MYO1B: variants seen among roughly 807,000 people sequenced by gnomAD.
MYO1B encodes the protein myosin IB.
MYO1B carries 72 observed loss-of-function variants against 159.7 expected under a neutral mutation model. The ratio of observed to expected loss-of-function variants is 0.45; its 90% confidence interval spans 0.37 to 0.55. The LOEUF (loss-of-function observed/expected upper bound fraction) is 0.55. MYO1B is among the 20% of genes least tolerant of loss of function. The pLI is 0.00. For synonymous variants in MYO1B, 468 were observed against 473.8 expected (o/e 0.99, Z 0.16); for missense variants, 1,062 against 1,364.8 (o/e 0.78, Z 3.50).
chr2:191,414,028 C>T lies in MYO1B; in HGVS notation c.2874-20C>T, dbSNP rs780671669. ...TTCATTTGAAACTATTTCTAATGTG[C>T]AGGAATTTTTTTCCTTTAGTGTTGG... is the stretch of plus-strand genomic sequence containing the variant. On this transcript the variant is annotated intron_variant, in intron 27 of 30. Transcript: ENST00000392318. The T allele has an allele frequency of 1.1e-5, 18 of 1,579,616 alleles. No individual in the cohort carries two copies. The Admixed American group carries it at 3.2e-4, about 28-fold the overall frequency.
chr2:191,310,613 A>G (rs1689942813), intron 3 of MYO1B, among the ~76,000 whole-genome samples: 1 of 152,244 alleles, frequency 6.6e-6, no homozygotes, highest in Admixed American at 6.5e-5. Flanking sequence ...GGGAAACGGT[A>G]TTAGAGTTGA....
At chr2:191,403,938 A>G (rs1696759014) in intron 24 of MYO1B, among the ~76,000 whole-genome samples, 1 of 152,190 alleles carries the variant, frequency 6.6e-6, no homozygotes, top group Non-Finnish European at 1.5e-5. Context: ...AGCAACCTAC[A>G]AAGCAAATTC....
At chr2:191,303,902 T>A (rs1689484349) in intron 3 of MYO1B, among the ~76,000 whole-genome samples, 1 of 152,144 alleles carries the variant, frequency 6.6e-6, no homozygotes, top group Admixed American at 6.5e-5. Flanking sequence ...TAAATAAACA[T>A]CTCGTGTGTA....
At chr2:191,342,614 A>G (rs1277888760) in intron 5 of MYO1B, among the ~76,000 whole-genome samples, 1 of 152,212 alleles carries the variant, frequency 6.6e-6, no homozygotes, top group African/African-American at 2.4e-5. Context: ...TGGGAGGCCA[A>G]GGCGGGTGGA....
At position 191,251,501 on chromosome 2, in the gene MYO1B, TG is replaced by T. The variant is rs776073690; in HGVS notation, c.-10+5876del. 2.6e-5 allele frequency among the ~76,000 whole-genome samples: 4 copies of T among 152,348 alleles called. No homozygotes were observed. The South Asian group carries it at 8.3e-4, about 32-fold the overall frequency. On this transcript the variant is annotated intron_variant, in intron 1 of 30. Coordinates refer to ENST00000392318, the MANE Select transcript of MYO1B (RefSeq NM_001130158.3). ...AAAATGCAAGGGGCCTGTCTTTCCT[TG>T]ATAGCTTAAGAGAGGCTTAAGAGGA... is the stretch of plus-strand genomic sequence containing the variant.
chr2:191,276,410 G>C (rs1003432123), intron 1 of MYO1B, among the ~76,000 whole-genome samples: 1 of 152,160 alleles, frequency 6.6e-6, no homozygotes, highest in Non-Finnish European at 1.5e-5. Flanking sequence ...TTATTGTGAG[G>C]GTTCAATTAA....
chr2:191,400,442 A>G lies in MYO1B; in HGVS notation c.2356A>G (p.Ile786Val). The G allele has an allele frequency of 6.2e-7, 1 of 1,614,092 alleles. No homozygotes were observed. Among genetic ancestry groups the G allele is most frequent in the Non-Finnish European group, 8.5e-7 (1 of 1,180,012 alleles). The change falls in exon 22 of 31, where the codon ATT becomes GTT. Residue 786 changes from isoleucine (I) to valine (V), a missense_variant. Physicochemically the swap from Ile to Val is conservative, Grantham distance 29. Coordinates refer to ENST00000392318, the MANE Select transcript of MYO1B (RefSeq NM_001130158.3). ...GCGCTGTAAGGAAGCAGTCACGACC[A>G]TTGCTGCATATTGGCATGGGACCCA... ...QKRCKEAVTTIAAYWHGTQAR... is the reference protein window; with the variant it reads ...QKRCKEAVTTVAAYWHGTQAR...
At chr2:191,388,418 G>A (rs554410676) in intron 17 of MYO1B, 8 of 152,300 alleles carry the variant, frequency 5.3e-5, no homozygotes, top group African/African-American at 1.9e-4. Flanking sequence ...GAGCTAGATA[G>A]TAGAAGGTAT....
At chr2:191,297,669 T>G (rs1459112348) in intron 3 of MYO1B, among the ~76,000 whole-genome samples, 1 of 152,196 alleles carries the variant, frequency 6.6e-6, no homozygotes, top group East Asian at 1.9e-4. Flanking sequence ...TATTGGTCAT[T>G]GGCATATTGG....
At chr2:191,247,179 G>A (rs1461317976) in intron 1 of MYO1B, among the ~76,000 whole-genome samples, 1 of 152,166 alleles carries the variant, frequency 6.6e-6, no homozygotes, top group Non-Finnish European at 1.5e-5. Flanking sequence ...TCGGACTGAA[G>A]GTTAGCATTA....
At chr2:191,352,332 AAC>A (rs1559192848) in intron 7 of MYO1B, among the ~76,000 whole-genome samples, 1 of 152,206 alleles carries the variant, frequency 6.6e-6, no homozygotes, top group Non-Finnish European at 1.5e-5. Flanking sequence ...AAATTAATAA[AAC>A]ACTGTTTTTA....
At chr2:191,371,853 C>T (rs1694385649) in intron 13 of MYO1B, among the ~76,000 whole-genome samples, 1 of 152,154 alleles carries the variant, frequency 6.6e-6, no homozygotes, top group Non-Finnish European at 1.5e-5. Context: ...GTCCCCAGAA[C>T]AGAGGTCTTC....
intron 4 of MYO1B, among the ~76,000 whole-genome samples, chr2:191,337,949 G>T (rs1691964970): frequency 1.3e-5 from 2 of 152,088 alleles, no homozygotes; most frequent in African/African-American, 4.8e-5. Context: ...TAGCACCAAA[G>T]AGTCAAAAGG....
intron 6 of MYO1B, 30 bp from the exon 7 acceptor site, chr2:191,350,132 T>C (rs1477980230): frequency 6.3e-7 from 1 of 1,593,274 alleles, no homozygotes. Context: ...TGAGATGAAC[T>C]AGAAAACTCA....
rs534526698 is a variant in MYO1B at position 191,368,520 on chromosome 2, C to T, written c.1033-1022C>T. Among the ~76,000 whole-genome samples the T allele has an allele frequency of 8.5e-5, 13 of 152,296 alleles. No homozygotes were observed. The East Asian group carries it at 1.5e-3, about 18-fold the overall frequency. ...TCTTCTGTCCAAACCTGACTTTCTTCGGCCTTTGGATTCTAAGAGTCATAG... is the reference window on the plus strand; with the variant it reads ...TCTTCTGTCCAAACCTGACTTTCTTTGGCCTTTGGATTCTAAGAGTCATAG... On this transcript the variant is annotated intron_variant, in intron 11 of 30. Coordinates refer to ENST00000392318, the MANE Select transcript of MYO1B (RefSeq NM_001130158.3).
intron 1 of MYO1B, among the ~76,000 whole-genome samples, chr2:191,275,691 A>AATAT (rs1687709723): frequency 6.6e-6 from 1 of 152,248 alleles, no homozygotes; most frequent in Non-Finnish European, 1.5e-5. Context: ...GTATATATGT[A>AATAT]AGTATTTATT....
chr2:191,294,652 C>T (rs1471324268), intron 2 of MYO1B, among the ~76,000 whole-genome samples: 1 of 152,000 alleles, frequency 6.6e-6, no homozygotes, highest in African/African-American at 2.4e-5. Flanking sequence ...TAATTGGGTC[C>T]TAGTGATAGA....
intron 1 of MYO1B, among the ~76,000 whole-genome samples, chr2:191,248,429 T>C (rs537861870): frequency 2.6e-5 from 4 of 152,340 alleles, no homozygotes; most frequent in African/African-American, 9.6e-5. Flanking sequence ...GAACCTTAAA[T>C]GTGTCCAGAA....
intron 3 of MYO1B, among the ~76,000 whole-genome samples, chr2:191,325,624 T>A (rs1388357272): frequency 6.6e-6 from 1 of 152,118 alleles, no homozygotes; most frequent in Non-Finnish European, 1.5e-5. Flanking sequence ...GTCACAGACA[T>A]CTTTTCTGCT....
Sources: gnomAD v4.1 joint callset for allele counts (sites outside exome capture counted in the v4.1 genomes callset) on GRCh38, gnomAD v4.1.1 for gene constraint, MANE v1.5 for transcripts, NCBI Gene and HGNC (gene_info 2026-07-23, HGNC 2026-07-21) for gene names.